Variants in ZNF804B observed in about 807,000 individuals in gnomAD.
ZNF804B encodes zinc finger 804B.
ZNF804B carries 80 observed loss-of-function variants against 101.4 expected under a neutral mutation model. The observed-to-expected ratio is 0.79, with a 90% CI of 0.66 to 0.95. ZNF804B has a LOEUF of 0.95. Ranked by LOEUF, ZNF804B falls within the 40% of genes least tolerant of loss-of-function variation. ZNF804B has a pLI of 0.00. For missense variants in ZNF804B, 1,673 were observed against 1,561.9 expected (o/e 1.07, Z -1.20); for synonymous variants, 622 against 558.8 (o/e 1.11, Z -1.59).
chr7:89,319,610 C>T (rs945918489), intron 2 of ZNF804B, among the ~76,000 whole-genome samples: 11 of 152,180 alleles, frequency 7.2e-5, no homozygotes, highest in African/African-American at 2.7e-4. Flanking sequence ...CAAAACTTCA[C>T]ACAAACACAT....
intron 1 of ZNF804B, among the ~76,000 whole-genome samples, chr7:89,072,597 T>C (rs1157349486): frequency 1.3e-5 from 2 of 152,090 alleles, no homozygotes; most frequent in African/African-American, 4.8e-5. Context: ...GAATAAGTTG[T>C]ATAAAAATAA....
At chr7:89,276,350 A>G (rs1789980921) in intron 2 of ZNF804B, among the ~76,000 whole-genome samples, 1 of 151,882 alleles carries the variant, frequency 6.6e-6, no homozygotes, top group Non-Finnish European at 1.5e-5. Flanking sequence ...ATGTGCAGTT[A>G]TATAGGTAAA....
At chr7:89,228,647 G>T (rs1789134263) in intron 2 of ZNF804B, among the ~76,000 whole-genome samples, 1 of 152,180 alleles carries the variant, frequency 6.6e-6, no homozygotes, top group Admixed American at 6.5e-5. Context: ...TACAATCCCT[G>T]AGCTAGACAT....
rs1562743675 is a variant in ZNF804B at position 89,334,462 on chromosome 7, C to A, written c.1480C>A (p.Leu494Ile). The part of the protein sequence containing the change: ...LSRNTKEDHN[L>I]EDLKTELGKK... Reference sequence around the variant, plus strand: ...TCGGAACACAAAGGAAGACCACAATCTAGAGGACTTAAAAACAGAATTGGG... The same window carrying A: ...TCGGAACACAAAGGAAGACCACAATATAGAGGACTTAAAAACAGAATTGGG... The change falls in exon 4 of 4, where the codon CTA becomes ATA. Residue 494 changes from leucine to isoleucine, a missense_variant. Physicochemically the swap from Leu to Ile is conservative, Grantham distance 5. Coordinates refer to ENST00000333190, the MANE Select transcript of ZNF804B (RefSeq NM_181646.5). 1.9e-6 allele frequency: 3 copies of A among 1,613,672 alleles called. No homozygotes were observed. Among genetic ancestry groups the A allele is most frequent in the Middle Eastern group, 3.3e-4 (2 of 6,062 alleles).
chr7:89,021,613 T>G (rs916012665), intron 1 of ZNF804B, among the ~76,000 whole-genome samples: 11 of 152,184 alleles, frequency 7.2e-5, no homozygotes, highest in African/African-American at 2.7e-4. Flanking sequence ...AGGTGGCCTG[T>G]CAGGTTGTTT....
At chr7:89,319,901 G>A (rs1354921811) in intron 2 of ZNF804B, among the ~76,000 whole-genome samples, 1 of 152,098 alleles carries the variant, frequency 6.6e-6, no homozygotes, top group African/African-American at 2.4e-5. Flanking sequence ...GTCTGTTTCT[G>A]GGTATAAATA....
chr7:89,292,605 A>G (rs1790313681), intron 2 of ZNF804B, among the ~76,000 whole-genome samples: 1 of 152,020 alleles, frequency 6.6e-6, no homozygotes, highest in Admixed American at 6.6e-5. Context: ...ATGAGAAAAA[A>G]TCACCTTCAC....
intron 1 of ZNF804B, among the ~76,000 whole-genome samples, chr7:89,164,033 A>G (rs1791106852): frequency 6.6e-6 from 1 of 151,946 alleles, no homozygotes; most frequent in African/African-American, 2.4e-5. Context: ...TTCTACACCT[A>G]AATTACTATC....
chr7:88,957,094 C>A (rs1268274877), intron 1 of ZNF804B, among the ~76,000 whole-genome samples: 1 of 151,432 alleles, frequency 6.6e-6, no homozygotes, highest in Non-Finnish European at 1.5e-5. Flanking sequence ...CTCTACCATT[C>A]TTCATTTTGT....
rs1190084033 is a variant in ZNF804B, at chr7:88,934,584, T to C, written c.108+174500T>C. ...ATCCCATCAAACAGAAGGCAAATGA[T>C]ATGAATAGACAATTCTCAAGAAAGG... On this transcript the variant is annotated intron_variant, in intron 1 of 3. Transcript: ENST00000333190. Among the ~76,000 whole-genome samples, 3 of 151,696 alleles carry C rather than the reference T, an allele frequency of 2.0e-5. No individual in the cohort carries two copies. In the East Asian group the frequency reaches 5.8e-4, roughly 29 times the overall value.
intron 1 of ZNF804B, among the ~76,000 whole-genome samples, chr7:89,018,896 G>C (rs1436368604): frequency 6.6e-6 from 1 of 151,784 alleles, no homozygotes; most frequent in East Asian, 1.9e-4. Context: ...TTTTAGTCTA[G>C]CTAATGGTTT....
chr7:89,257,633 G>T (rs1789654649), intron 2 of ZNF804B, among the ~76,000 whole-genome samples: 2 of 151,906 alleles, frequency 1.3e-5, no homozygotes, highest in Non-Finnish European at 2.9e-5. Context: ...TTTATTTTAG[G>T]TTAAGGGATA....
chr7:88,833,853 A>T (rs1791168390), intron 1 of ZNF804B, among the ~76,000 whole-genome samples: 2 of 151,886 alleles, frequency 1.3e-5, no homozygotes, highest in South Asian at 4.1e-4. Flanking sequence ...CAGTAGATTT[A>T]TGTAACTTAG....
intron 1 of ZNF804B, among the ~76,000 whole-genome samples, chr7:89,174,426 C>T (rs778446839): frequency 2.0e-5 from 3 of 151,986 alleles, no homozygotes; most frequent in Non-Finnish European, 4.4e-5. Flanking sequence ...GACAGGATGT[C>T]ATCCCTTTCC....
chr7:88,908,995 T>G (rs1792511399), intron 1 of ZNF804B, among the ~76,000 whole-genome samples: 1 of 151,834 alleles, frequency 6.6e-6, no homozygotes, highest in African/African-American at 2.4e-5. Flanking sequence ...AACATTTTTA[T>G]GGCAAGTATC....
intron 1 of ZNF804B, among the ~76,000 whole-genome samples, chr7:88,955,093 C>T (rs1231137126): frequency 1.8e-5 from 2 of 109,196 alleles, no homozygotes; most frequent in African/African-American, 3.3e-5. Context: ...GCCCTTGTCT[C>T]TATTTAAAAA....
chr7:89,150,476 C>T (rs533369476), intron 1 of ZNF804B, among the ~76,000 whole-genome samples: 113 of 152,172 alleles, frequency 7.4e-4, no homozygotes, highest in African/African-American at 2.5e-3. Flanking sequence ...GGGAATTTGT[C>T]ATCCTGGCCT....
chr7:89,149,368 T>C (rs1326438395), intron 1 of ZNF804B, among the ~76,000 whole-genome samples: 2 of 152,132 alleles, frequency 1.3e-5, no homozygotes, highest in East Asian at 1.9e-4. Context: ...TTAAACCTTA[T>C]ATAAAGAAAC....
intron 1 of ZNF804B, chr7:88,794,065 T>C: frequency 1.4e-6 from 1 of 734,546 alleles, no homozygotes; most frequent in Non-Finnish European, 2.2e-6. Flanking sequence ...ATATTACCTC[T>C]GTGTATATTG....
Sources: allele counts gnomAD v4.1 joint callset (sites outside exome capture counted in the v4.1 genomes callset), GRCh38; gene constraint gnomAD v4.1.1; transcripts MANE v1.5; gene names NCBI Gene and HGNC (gene_info 2026-07-23, HGNC 2026-07-21).